The following EIF4H variants were observed in gnomAD, a reference collection of about 807,000 sequenced individuals.
EIF4H encodes the protein eukaryotic translation initiation factor 4H.
In EIF4H, 8 loss-of-function variants were observed where a neutral mutation model predicts 30.6. The observed-to-expected ratio is 0.26, with a 90% CI of 0.15 to 0.47. The LOEUF is 0.47. EIF4H is among the 20% of genes least tolerant of loss of function. The probability of loss-of-function intolerance (pLI) is 0.99; values close to 1 mark genes in which losing one functional copy is unlikely to be tolerated. For missense variants in EIF4H, 188 were observed against 339.5 expected (o/e 0.55, Z 3.51); for synonymous variants, 106 against 122.7 (o/e 0.86, Z 0.90).
At chr7:74,191,803 G>A (rs567198192) in intron 5 of EIF4H, among the ~76,000 whole-genome samples, 29 of 151,744 alleles carry the variant, frequency 1.9e-4, no homozygotes, top group African/African-American at 6.0e-4. Context: ...TTTTTGAGAC[G>A]GAGTCTTGCT....
At chr7:74,186,938 C>G (rs2115969296) in intron 1 of EIF4H, among the ~76,000 whole-genome samples, 1 of 151,118 alleles carries the variant, frequency 6.6e-6, no homozygotes, top group Admixed American at 6.6e-5. Context: ...AGAAATAATT[C>G]TATTATGTAT....
intron 1 of EIF4H, among the ~76,000 whole-genome samples, chr7:74,175,304 C>T (rs1800812615): frequency 6.6e-6 from 1 of 152,032 alleles, no homozygotes; most frequent in African/African-American, 2.4e-5. Context: ...ATACAAGTTG[C>T]CTCGTTAGAA....
chr7:74,186,262 C>T (rs1317588320), intron 1 of EIF4H, among the ~76,000 whole-genome samples: 7 of 148,528 alleles, frequency 4.7e-5, no homozygotes, highest in Non-Finnish European at 8.9e-5. Flanking sequence ...CTCGCTCTGT[C>T]GCCCAGGCTG....
chr7:74,176,717 T>G (rs1386992456), intron 1 of EIF4H, among the ~76,000 whole-genome samples: 1 of 152,226 alleles, frequency 6.6e-6, no homozygotes, highest in Non-Finnish European at 1.5e-5. Flanking sequence ...CAGGAAACAG[T>G]ATTGAACCAC....
chr7:74,196,861 ATGCATTATG>A lies in EIF4H; in HGVS notation c.*1556_*1564del, dbSNP rs1383796324. 1 of 152,552 alleles carries A rather than the reference ATGCATTATG, an allele frequency of 6.6e-6. No individual in the cohort carries two copies. Among genetic ancestry groups the A allele is most frequent in the Admixed American group, 6.5e-5 (1 of 15,276 alleles). 9.4% of individuals were successfully genotyped at this position (152,552 alleles called of 1,614,324 possible). Reference sequence around the variant, plus strand: ...CACCAACACTTAACTTCAGAAAGACATGCATTATGTGGTGTAATCAAACCCGATGCTTTC... The same window carrying A: ...CACCAACACTTAACTTCAGAAAGACATGGTGTAATCAAACCCGATGCTTTC... On this transcript the variant is annotated 3_prime_UTR_variant, in exon 7 of 7. Coordinates refer to ENST00000265753, the MANE Select transcript of EIF4H (RefSeq NM_022170.2).
intron 1 of EIF4H, among the ~76,000 whole-genome samples, chr7:74,179,215 A>G (rs531666860): frequency 1.4e-4 from 22 of 152,354 alleles, no homozygotes; most frequent in African/African-American, 4.3e-4. Context: ...GGAGTAATCA[A>G]ATAATTCTGG....
chr7:74,195,509 C>T lies in EIF4H; in HGVS notation c.*201C>T, dbSNP rs1431844709. On this transcript the variant is annotated 3_prime_UTR_variant, in exon 7 of 7. Transcript: ENST00000265753. Reference sequence around the variant, plus strand: ...GGGCTTTGCTGTATCTATCTAGTGCCTGTTTGTGCGTTTTTTTCTTTCTTC... The same window carrying T: ...GGGCTTTGCTGTATCTATCTAGTGCTTGTTTGTGCGTTTTTTTCTTTCTTC... 1.9e-5 allele frequency: 9 copies of T among 472,386 alleles called. No individual in the cohort carries two copies. The highest frequency in any genetic ancestry group is 1.6e-4 in the African/African-American group (8 of 49,860). The allele number at this position is 472,386 out of a possible 1,614,324, so 29.3% of individuals were successfully genotyped here.
chr7:74,181,816 C>G (rs184214137), intron 1 of EIF4H, among the ~76,000 whole-genome samples: 1 of 146,752 alleles, frequency 6.8e-6, no homozygotes, highest in Admixed American at 7.0e-5. Context: ...CTCACTGCAG[C>G]CTCCGCCACC....
At chr7:74,176,664 C>A (rs1262032782) in intron 1 of EIF4H, among the ~76,000 whole-genome samples, 2 of 152,170 alleles carry the variant, frequency 1.3e-5, no homozygotes, top group Non-Finnish European at 2.9e-5. Context: ...ATACATCTTC[C>A]TAAGTTTATT....
intron 1 of EIF4H, among the ~76,000 whole-genome samples, chr7:74,174,769 G>T (rs1800799330): frequency 6.6e-6 from 1 of 152,234 alleles, no homozygotes; most frequent in Non-Finnish European, 1.5e-5. Context: ...CCCCCCTACG[G>T]TAGGACCAGT....
intron 1 of EIF4H, among the ~76,000 whole-genome samples, chr7:74,187,212 C>T (rs1166239336): frequency 2.0e-5 from 3 of 152,060 alleles, no homozygotes; most frequent in African/African-American, 7.2e-5. Flanking sequence ...GGCAGACCAC[C>T]TGAGGTCAGA....
intron 5 of EIF4H, among the ~76,000 whole-genome samples, chr7:74,192,644 C>A (rs1801245962): frequency 1.4e-5 from 2 of 146,240 alleles, no homozygotes; most frequent in Admixed American, 6.8e-5. Context: ...GTCAGCTGAT[C>A]ATACCTAACA....
At chr7:74,191,497 G>C (rs1049714103) in intron 5 of EIF4H, among the ~76,000 whole-genome samples, 1 of 152,150 alleles carries the variant, frequency 6.6e-6, no homozygotes, top group Non-Finnish European at 1.5e-5. Context: ...CAGTGTTTTG[G>C]TGACATCTCA....
At chr7:74,192,499 T>C (rs1801241912) in intron 5 of EIF4H, among the ~76,000 whole-genome samples, 2 of 152,000 alleles carry the variant, frequency 1.3e-5, no homozygotes, top group African/African-American at 4.8e-5. Context: ...TTGCCACCTT[T>C]AAAGAATAGA....
At chr7:74,178,188 G>T (rs2115934336) in intron 1 of EIF4H, among the ~76,000 whole-genome samples, 2 of 152,186 alleles carry the variant, frequency 1.3e-5, no homozygotes, top group South Asian at 4.2e-4. Flanking sequence ...GGATCTTCCT[G>T]CCTCAGCCTC....
At chr7:74,184,352 C>G (rs1389424013) in intron 1 of EIF4H, among the ~76,000 whole-genome samples, 1 of 152,158 alleles carries the variant, frequency 6.6e-6, no homozygotes, top group Non-Finnish European at 1.5e-5. Context: ...AGCCTTCGCA[C>G]CTCCATTTTC....
At chr7:74,182,623 G>T (rs1800987507) in intron 1 of EIF4H, among the ~76,000 whole-genome samples, 1 of 152,174 alleles carries the variant, frequency 6.6e-6, no homozygotes, top group Non-Finnish European at 1.5e-5. Flanking sequence ...TTGCCCTGTT[G>T]CCCAGGCTGG....
intron 1 of EIF4H, among the ~76,000 whole-genome samples, chr7:74,184,460 C>T (rs1431201933): frequency 6.6e-6 from 1 of 152,162 alleles, no homozygotes; most frequent in African/African-American, 2.4e-5. Flanking sequence ...CATTCATACA[C>T]ACAAACATAC....
At chr7:74,192,038 C>G (rs1009936451) in intron 5 of EIF4H, among the ~76,000 whole-genome samples, 5 of 152,086 alleles carry the variant, frequency 3.3e-5, no homozygotes, top group Non-Finnish European at 5.9e-5. Context: ...CTCGGCCTCC[C>G]AAAGTGCTGG....
Sources: gnomAD v4.1 joint callset for allele counts (sites outside exome capture counted in the v4.1 genomes callset) on GRCh38, gnomAD v4.1.1 for gene constraint, MANE v1.5 for transcripts, NCBI Gene and HGNC (gene_info 2026-07-23, HGNC 2026-07-21) for gene names.